The following TSNARE1 variants were observed in gnomAD, a reference collection of about 807,000 sequenced individuals.
TSNARE1 encodes the protein t-SNARE domain-containing protein 1.
Under a neutral mutation model 62.0 loss-of-function variants are expected in TSNARE1, and 49 were observed. The observed-to-expected ratio is 0.79, with a 90% confidence interval of 0.63 to 1.00. The LOEUF (loss-of-function observed/expected upper bound fraction) is 1.00. Ranked by LOEUF, TSNARE1 falls within the 50% of genes least tolerant of loss-of-function variation. The pLI, the probability that TSNARE1 is intolerant of heterozygous loss-of-function variation, is 0.00. For synonymous variants in TSNARE1, 328 were observed against 294.4 expected (o/e 1.11, Z -1.17); for missense variants, 755 against 700.1 (o/e 1.08, Z -0.88).
intron 13 of TSNARE1, among the ~76,000 whole-genome samples, chr8:142,223,130 TCACTCATTCACTCATC>T (rs1388036639): frequency 1.8e-3 from 13 of 7,356 alleles, no homozygotes; most frequent in African/African-American, 2.5e-3. Flanking sequence ...ATTCACTCAT[TCACTCATTCACTCATC>T]CACTCACTCA....
intron 1 of TSNARE1, among the ~76,000 whole-genome samples, chr8:142,388,946 GAAC>G (rs901027894): frequency 6.6e-6 from 1 of 152,082 alleles, no homozygotes; most frequent in Non-Finnish European, 1.5e-5. Context: ...ATATTCCTTG[GAAC>G]AACAATAAAA....
At chr8:142,303,789 G>A (rs919403078) in intron 9 of TSNARE1, among the ~76,000 whole-genome samples, 19 of 152,366 alleles carry the variant, frequency 1.2e-4, no homozygotes, top group African/African-American at 2.2e-4. Context: ...CTGCCGAGAC[G>A]GCTGGTGACA....
chr8:142,243,515 C>T (rs757028226), intron 12 of TSNARE1, among the ~76,000 whole-genome samples: 2 of 151,206 alleles, frequency 1.3e-5, no homozygotes, highest in Admixed American at 6.6e-5. Context: ...ACAAATGCTG[C>T]GTTATCTCAC....
intron 13 of TSNARE1, among the ~76,000 whole-genome samples, chr8:142,220,362 T>C (rs949509913): frequency 6.6e-6 from 1 of 152,206 alleles, no homozygotes; most frequent in African/African-American, 2.4e-5. Context: ...CCAGCCCACT[T>C]GCCAGATTCT....
chr8:142,354,834 C>A (rs1457520665), intron 1 of TSNARE1, 71 bp from the exon 2 acceptor site: 1 of 869,700 alleles, frequency 1.1e-6, no homozygotes. Context: ...TCAGGGTGCA[C>A]AGGGGCCGCC....
chr8:142,274,009 T>C (rs1046798364), intron 12 of TSNARE1: 34 of 985,216 alleles, frequency 3.5e-5, no homozygotes, highest in Non-Finnish European at 4.0e-5. Context: ...CAAGAGTGTG[T>C]GCTCTCCTGG....
chr8:142,391,527 C>T (rs531404066), intron 1 of TSNARE1, among the ~76,000 whole-genome samples: 1 of 152,210 alleles, frequency 6.6e-6, no homozygotes, highest in Non-Finnish European at 1.5e-5. Flanking sequence ...CTTCAGCAAG[C>T]CCAGACCTAG....
intron 1 of TSNARE1, among the ~76,000 whole-genome samples, chr8:142,397,859 A>ATGGAGCC (rs1165193678): frequency 6.6e-6 from 1 of 152,182 alleles, no homozygotes; most frequent in Non-Finnish European, 1.5e-5. Flanking sequence ...GTGCCAAGGC[A>ATGGAGCC]TGGAGCCTGG....
At chr8:142,295,844 C>T (rs1824586900) in intron 10 of TSNARE1, among the ~76,000 whole-genome samples, 2 of 151,460 alleles carry the variant, frequency 1.3e-5, no homozygotes, top group South Asian at 4.2e-4. Context: ...ACCACACAGC[C>T]CTGCAGCATG....
chr8:142,347,559 G>A (rs1833536147), intron 2 of TSNARE1, among the ~76,000 whole-genome samples: 1 of 152,200 alleles, frequency 6.6e-6, no homozygotes, highest in Non-Finnish European at 1.5e-5. Flanking sequence ...CAGGCACTTG[G>A]TGACTGAGCT....
At chr8:142,302,361 C>G (rs575097691) in intron 9 of TSNARE1, among the ~76,000 whole-genome samples, 1 of 152,174 alleles carries the variant, frequency 6.6e-6, no homozygotes, top group East Asian at 1.9e-4. Flanking sequence ...GGTGTCACCA[C>G]GTCTGGACAG....
chr8:142,222,488 TCATCC>T, intron 13 of TSNARE1, among the ~76,000 whole-genome samples: 2 of 21,372 alleles, frequency 9.4e-5, no homozygotes, highest in Non-Finnish European at 1.3e-4. Flanking sequence ...ACTCACTCAC[TCATCC>T]ACTCACTCAT....
At chr8:142,339,069 C>T (rs1182080119) in intron 4 of TSNARE1, among the ~76,000 whole-genome samples, 1 of 152,068 alleles carries the variant, frequency 6.6e-6, no homozygotes, top group African/African-American at 2.4e-5. Context: ...GATGGACAGA[C>T]GTGAGGAAAG....
chr8:142,367,021 G>C (rs1314734104), intron 1 of TSNARE1, among the ~76,000 whole-genome samples: 2 of 152,082 alleles, frequency 1.3e-5, no homozygotes, highest in Non-Finnish European at 1.5e-5. Flanking sequence ...ATTTACAATA[G>C]CAACGAAAAA....
intron 1 of TSNARE1, among the ~76,000 whole-genome samples, chr8:142,387,152 T>C (rs1587118218): frequency 6.6e-6 from 1 of 152,012 alleles, no homozygotes. Flanking sequence ...AGTAACAAAA[T>C]CAGGAAATTA....
At chr8:142,405,016 C>G (rs1200106756), upstream of TSNARE1, 6 of 152,230 alleles carry the variant, frequency 3.9e-5, no homozygotes, top group Non-Finnish European at 7.3e-5. Flanking sequence ...AATGGTCTAG[C>G]GTGGGTAGGA....
intron 1 of TSNARE1, among the ~76,000 whole-genome samples, chr8:142,374,449 T>C (rs946575333): frequency 3.3e-5 from 5 of 150,612 alleles, no homozygotes; most frequent in Admixed American, 2.0e-4. Flanking sequence ...GAGGCCGAGG[T>C]AGGCGGATCA....
chr8:142,330,004 C>A (rs913788332), intron 6 of TSNARE1, among the ~76,000 whole-genome samples: 1 of 152,230 alleles, frequency 6.6e-6, no homozygotes, highest in East Asian at 1.9e-4. Context: ...CGTGGCCCTC[C>A]CGGCCTCCTC....
At chr8:142,349,569 C>T (rs1022070233) in intron 2 of TSNARE1, among the ~76,000 whole-genome samples, 2 of 152,194 alleles carry the variant, frequency 1.3e-5, no homozygotes, top group Admixed American at 6.5e-5. Flanking sequence ...AAGCCAGGGG[C>T]CATATCTCTG....
Sources: gnomAD v4.1 joint callset for allele counts (sites outside exome capture counted in the v4.1 genomes callset) on GRCh38, gnomAD v4.1.1 for gene constraint, MANE v1.5 for transcripts, NCBI Gene and HGNC (gene_info 2026-07-23, HGNC 2026-07-21) for gene names.